BEST3: variants seen among roughly 807,000 people sequenced by gnomAD.
BEST3 encodes bestrophin-3.
A neutral mutation model predicts 47.1 loss-of-function variants in BEST3; 50 were observed. The observed-to-expected ratio is 1.06, with a 90% CI of 0.85 to 1.34. The LOEUF is 1.34. BEST3 is among the 40% of genes most tolerant of loss of function. BEST3 has a pLI of 0.00. For missense variants in BEST3, 765 were observed against 817.0 expected (o/e 0.94, Z 0.78); for synonymous variants, 282 against 298.8 (o/e 0.94, Z 0.58).
intron 9 of BEST3, among the ~76,000 whole-genome samples, chr12:69,659,179 G>A (rs1340009916): frequency 6.6e-6 from 1 of 152,074 alleles, no homozygotes; most frequent in Admixed American, 6.6e-5. Context: ...CTGTAACAGA[G>A]CAGTAGGGAA....
chr12:69,670,364 G>C, intron 9 of BEST3: 1 of 680,612 alleles, frequency 1.5e-6, no homozygotes. Flanking sequence ...CCTTCTCTAA[G>C]ATGTGCTTTG....
At position 69,693,588 on chromosome 12, in the gene BEST3, A is replaced by G. The variant is rs367844151; in HGVS notation, c.481+86T>C. On this transcript the variant is annotated intron_variant, in intron 4 of 9. Transcript: ENST00000330891. ...CCAATAAATGTTTCTTGAGTGAATA[A>G]ACAAACATAAAGAATTTTCAAAGGA... The G allele has an allele frequency of 5.9e-5, 69 of 1,160,602 alleles. No homozygotes were observed. The East Asian group carries it at 1.6e-3, about 27-fold the overall frequency. 71.9% of individuals were successfully genotyped at this position (1,160,602 alleles called of 1,614,324 possible).
chr12:69,687,663 CAAA>C (rs3050215), intron 4 of BEST3, among the ~76,000 whole-genome samples: 8 of 126,648 alleles, frequency 6.3e-5, no homozygotes, highest in Non-Finnish European at 9.7e-5. Flanking sequence ...GAACGTGTCT[CAAA>C]AAAAAAAAAA....
intron 9 of BEST3, among the ~76,000 whole-genome samples, chr12:69,647,515 C>T (rs1256518668): frequency 1.3e-5 from 2 of 152,106 alleles, no homozygotes; most frequent in African/African-American, 2.4e-5. Context: ...CTTTCAGATG[C>T]TGTTTGTTTC....
rs183615128 is a variant in BEST3, at chr12:69,654,575, A to T, written c.*332T>A. 1 of 1,038,082 alleles carries T rather than the reference A, an allele frequency of 9.6e-7. No individual in the cohort carries two copies. Among genetic ancestry groups the T allele is most frequent in the East Asian group, 7.8e-5 (1 of 12,872 alleles). The allele number at this position is 1,038,082 out of a possible 1,614,324, so 64.3% of individuals were successfully genotyped here. ...CTAGGGGATTGGACTATGATCTATG[A>T]GACTCTTTCCACAACTAATAATCTA... On this transcript the variant is annotated 3_prime_UTR_variant, in exon 10 of 10. Transcript: ENST00000330891.
chr12:69,677,400 A>T (rs1253223612), intron 5 of BEST3, 143 bp from the exon 6 acceptor site: 1 of 719,802 alleles, frequency 1.4e-6, no homozygotes, highest in Admixed American at 2.5e-5. Context: ...CTCCAAAAGG[A>T]AAGTTCTAAA....
chr12:69,644,732 G>A (rs1296188948), intron 9 of BEST3, among the ~76,000 whole-genome samples: 1 of 152,162 alleles, frequency 6.6e-6, no homozygotes, highest in East Asian at 1.9e-4. Flanking sequence ...AGGCATGTAA[G>A]TACAGCATTG....
intron 4 of BEST3, among the ~76,000 whole-genome samples, chr12:69,680,326 T>TTTTTTTTTTTTTTTTTTTG (rs1555207061): frequency 6.9e-6 from 1 of 144,914 alleles, no homozygotes; most frequent in African/African-American, 2.6e-5. Context: ...TTTTTTTTTT[T>TTTTTTTTTTTTTTTTTTTG]TAGATGGAGT....
chr12:69,657,220 C>G (rs377529976), intron 9 of BEST3, among the ~76,000 whole-genome samples: 7 of 152,022 alleles, frequency 4.6e-5, no homozygotes, highest in African/African-American at 1.7e-4. Context: ...CTCAGCCTCC[C>G]CAGTAGCTGG....
At chr12:69,661,472 T>C (rs74102946) in intron 9 of BEST3, 1 of 152,228 alleles carries the variant, frequency 6.6e-6, no homozygotes, top group Non-Finnish European at 1.5e-5. Context: ...AGGGAGCCGA[T>C]AATTTGCCTG....
intron 8 of BEST3, 134 bp downstream of exon 8, chr12:69,672,751 T>G (rs922867708): frequency 3.1e-6 from 2 of 645,908 alleles, no homozygotes; most frequent in Non-Finnish European, 5.3e-6. Flanking sequence ...GACAGCACAG[T>G]GCACAGCCAA....
At chr12:69,680,973 C>T (rs985840371) in intron 4 of BEST3, among the ~76,000 whole-genome samples, 9 of 151,616 alleles carry the variant, frequency 5.9e-5, no homozygotes, top group Non-Finnish European at 1.2e-4. Context: ...TTTTATTTAG[C>T]TAGTTCCTTT....
chr12:69,651,799 AG>A (rs55757153), downstream of BEST3, among the ~76,000 whole-genome samples: 334 of 55,438 alleles, frequency 6.0e-3, 6 homozygotes, highest in Middle Eastern at 0.031. Context: ...AAAAAAAAAA[AG>A]AAAGAAAAAA....
chr12:69,651,391 C>T (rs897477397), downstream of BEST3, among the ~76,000 whole-genome samples: 2 of 152,162 alleles, frequency 1.3e-5, no homozygotes, highest in African/African-American at 4.8e-5. Flanking sequence ...ACTGGTTTTC[C>T]TTATCCCATT....
chr12:69,674,592 G>GT (rs773952950), intron 7 of BEST3, among the ~76,000 whole-genome samples: 44 of 152,194 alleles, frequency 2.9e-4, no homozygotes, highest in Admixed American at 2.5e-3. Context: ...AAGGGTACTG[G>GT]TTGAGTCCTG....
chr12:69,674,577 T>G (rs564955766), intron 7 of BEST3, among the ~76,000 whole-genome samples: 45 of 152,324 alleles, frequency 3.0e-4, no homozygotes, highest in Non-Finnish European at 3.7e-4. Context: ...TTACTTAGAT[T>G]AATTAAGGGT....
intron 7 of BEST3, among the ~76,000 whole-genome samples, chr12:69,673,510 TCAC>T (rs1884711002): frequency 6.6e-6 from 1 of 152,204 alleles, no homozygotes; most frequent in Non-Finnish European, 1.5e-5. Flanking sequence ...TAATCTCGGC[TCAC>T]TGCAAACTCT....
chr12:69,667,874 C>T (rs188296293), intron 9 of BEST3, among the ~76,000 whole-genome samples: 35 of 152,152 alleles, frequency 2.3e-4, no homozygotes, highest in Non-Finnish European at 4.3e-4. Flanking sequence ...AATAAATAAA[C>T]GAGCACATTC....
chr12:69,666,365 A>G (rs991063413), intron 9 of BEST3, among the ~76,000 whole-genome samples: 5 of 152,150 alleles, frequency 3.3e-5, no homozygotes, highest in Admixed American at 6.5e-5. Context: ...AACAGCTTAC[A>G]CTGGCAATTT....
Sources: gnomAD v4.1 joint callset for allele counts (sites outside exome capture counted in the v4.1 genomes callset) on GRCh38, gnomAD v4.1.1 for gene constraint, MANE v1.5 for transcripts, NCBI Gene and HGNC (gene_info 2026-07-23, HGNC 2026-07-21) for gene names.